Variants in B4GALNT2 observed in about 807,000 individuals in gnomAD.
The protein encoded by B4GALNT2 is N-acetylneuraminylgalactosylglucosyl-glucoside beta-1,4-N- acetylgalactosaminyltransferase 2.
B4GALNT2 carries 42 observed loss-of-function variants against 51.1 expected under a neutral mutation model. The ratio of observed to expected loss-of-function variants is 0.82; its 90% CI spans 0.64 to 1.06. The LOEUF (loss-of-function observed/expected upper bound fraction) is 1.06, where lower values mean the gene tolerates loss of function less well. Ranked by LOEUF, B4GALNT2 falls within the 50% of genes least tolerant of loss-of-function variation. The probability of loss-of-function intolerance (pLI) is 0.00; values close to 1 mark genes in which losing one functional copy is unlikely to be tolerated. For missense variants in B4GALNT2, 602 were observed against 633.6 expected (o/e 0.95, Z 0.54); for synonymous variants, 253 against 251.7 (o/e 1.01, Z -0.05).
chr17:49,126,990 C>T, the B4GALNT2 span, among the ~76,000 whole-genome samples: 4 of 152,200 alleles, frequency 2.6e-5, no homozygotes, highest in Non-Finnish European at 1.5e-5. Flanking sequence ...AGGCATGAGC[C>T]ACTGTGTCCG....
At chr17:49,150,607 TG>T (rs1217652217) in intron 3 of B4GALNT2, among the ~76,000 whole-genome samples, 1 of 151,700 alleles carries the variant, frequency 6.6e-6, no homozygotes, top group Non-Finnish European at 1.5e-5. Context: ...GGGATCCTGT[TG>T]ATCTGTGACC....
At position 49,164,092 on chromosome 17, in the gene B4GALNT2, G is replaced by A. The variant is rs117748905; in HGVS notation, c.771G>A (p.Arg257=). Residue 257 remains arginine, a synonymous_variant, in exon 8 of 11, where the codon AGG becomes AGA. Coordinates refer to ENST00000393354, the MANE Select transcript of B4GALNT2 (RefSeq NM_001159387.2). The part of the protein sequence containing the change: ...IPKLYDPGPE[R]KLRNLVTIAT... ...CACCCACTGTTTTCTGCCCAGAGAG[G>A]AAGCTCAGAAACCTGGTTACCATTG... 6.6e-5 allele frequency: 106 copies of A among 1,613,790 alleles called. No individual in the cohort carries two copies. The East Asian group carries it at 1.6e-3, about 25-fold the overall frequency.
rs139264412 is a variant in B4GALNT2 at position 49,155,477 on chromosome 17, C to A, written c.461-1089C>A. 2.0e-3 allele frequency among the ~76,000 whole-genome samples: 305 copies of A among 150,676 alleles called. 2 individuals are homozygous for A. Among genetic ancestry groups the A allele is most frequent in the African/African-American group, 7.1e-3 (292 of 41,216 alleles). On this transcript the variant is annotated intron_variant, in intron 4 of 10. Transcript: ENST00000393354. Reference sequence around the variant, plus strand: ...ATTTGTCGAATGTGGTGGCTCACACCTGTAGTCCCAGCTACTCGGGAGGCT... The same window carrying A: ...ATTTGTCGAATGTGGTGGCTCACACATGTAGTCCCAGCTACTCGGGAGGCT...
intron 1 of B4GALNT2, among the ~76,000 whole-genome samples, chr17:49,134,649 G>A (rs1388242263): frequency 2.0e-5 from 3 of 152,118 alleles, no homozygotes; most frequent in Non-Finnish European, 4.4e-5. Flanking sequence ...GTGCAGTGGC[G>A]CAATCTCGGC....
rs1393608776 is a variant in B4GALNT2, at chr17:49,176,139, A to G, written c.*6411A>G. On this transcript the variant is annotated 3_prime_UTR_variant, in exon 11 of 11. Coordinates refer to ENST00000393354, the MANE Select transcript of B4GALNT2 (RefSeq NM_001159387.2). The stretch of plus-strand genomic sequence containing the variant: ...CGGGTGTCCTCCAGCTTAGTTCCAC[A>G]TTCTCCAACCATCACTCCAGCGACC... The G allele has an allele frequency of 6.6e-6, 1 of 152,212 alleles. No individual in the cohort carries two copies. The highest frequency in any genetic ancestry group is 1.5e-5 in the Non-Finnish European group (1 of 68,054). The allele number at this position is 152,212 out of a possible 1,614,324, so 9.4% of individuals were successfully genotyped here.
intron 1 of B4GALNT2, chr17:49,133,266 GGAGCCCGGC>G: frequency 6.9e-7 from 1 of 1,440,442 alleles, no homozygotes; most frequent in South Asian, 1.5e-5. Flanking sequence ...GGACAGTCGG[GGAGCCCGGC>G]GGCTTGGTCT....
At chr17:49,168,977 A>G in intron 10 of B4GALNT2, 77 bp downstream of exon 10, 1 of 1,439,362 alleles carries the variant, frequency 6.9e-7, no homozygotes, top group Non-Finnish European at 9.4e-7. Flanking sequence ...CAAGGGCTGT[A>G]CCCGGCTGGC....
chr17:49,138,815 T>TG (rs2042613892), intron 1 of B4GALNT2, among the ~76,000 whole-genome samples: 1 of 152,126 alleles, frequency 6.6e-6, no homozygotes, highest in African/African-American at 2.4e-5. Flanking sequence ...AGGTGGAGGT[T>TG]GCAGTGAGCT....
chr17:49,125,765 C>G, the B4GALNT2 span, among the ~76,000 whole-genome samples: 1 of 135,862 alleles, frequency 7.4e-6, no homozygotes, highest in African/African-American at 2.7e-5. Context: ...GTCAGCCCCC[C>G]GCCCGTCCGG....
chr17:49,169,831 C>G lies in B4GALNT2; in HGVS notation c.*103C>G. 1.7e-6 allele frequency: 2 copies of G among 1,156,784 alleles called. No individual in the cohort carries two copies. The highest frequency in any genetic ancestry group is 2.4e-6 in the Non-Finnish European group (2 of 848,676). 71.7% of individuals were successfully genotyped at this position (1,156,784 alleles called of 1,614,324 possible). On this transcript the variant is annotated 3_prime_UTR_variant, in exon 11 of 11. Coordinates refer to ENST00000393354, the MANE Select transcript of B4GALNT2 (RefSeq NM_001159387.2). ...ATAGGTGAACGTTGTACCAAACCAG[C>G]TGGTGGGTAGGGAAAAGGGAAATGG... is the stretch of plus-strand genomic sequence containing the variant.
At chr17:49,140,603 TA>T (rs2042634188) in intron 1 of B4GALNT2, among the ~76,000 whole-genome samples, 1 of 152,082 alleles carries the variant, frequency 6.6e-6, no homozygotes, top group Non-Finnish European at 1.5e-5. Flanking sequence ...TATTAGTGGA[TA>T]AAAGTTCACG....
intron 3 of B4GALNT2, among the ~76,000 whole-genome samples, chr17:49,144,916 G>A (rs910769590): frequency 2.6e-5 from 4 of 152,186 alleles, no homozygotes; most frequent in Admixed American, 6.5e-5. Context: ...TCCAATGTTC[G>A]AGGGCAGGAA....
chr17:49,156,710 G>C (rs2042814159), intron 5 of B4GALNT2, 107 bp downstream of exon 5: 2 of 1,291,782 alleles, frequency 1.5e-6, no homozygotes, highest in Non-Finnish European at 1.1e-6. Flanking sequence ...TTCAAGGTCA[G>C]ACATGAGCCC....
the B4GALNT2 span, among the ~76,000 whole-genome samples, chr17:49,121,232 A>G: frequency 6.6e-6 from 1 of 152,108 alleles, no homozygotes; most frequent in African/African-American, 2.4e-5. Context: ...CAGAGCAAGG[A>G]ATAAGACATG....
At chr17:49,128,470 T>C (rs1384101212), upstream of B4GALNT2, among the ~76,000 whole-genome samples, 1 of 152,070 alleles carries the variant, frequency 6.6e-6, no homozygotes, top group Non-Finnish European at 1.5e-5. Flanking sequence ...GAAGGAGTTT[T>C]GAAGGAAGGA....
At chr17:49,124,758 G>T in the B4GALNT2 span, among the ~76,000 whole-genome samples, 2 of 152,158 alleles carry the variant, frequency 1.3e-5, no homozygotes. Flanking sequence ...ATAAAGTAAA[G>T]ATTTTTATAA....
rs1355936541 is a variant in B4GALNT2, at chr17:49,170,627, G to A, written c.*899G>A. On this transcript the variant is annotated 3_prime_UTR_variant, in exon 11 of 11. Transcript: ENST00000393354. ...GTTGTTGGATAAGCCTCTTTCTGTT[G>A]CCTGGGGGTTGGCAGATTGCCGAGA... 1 of 152,290 alleles carries A rather than the reference G, an allele frequency of 6.6e-6. No individual in the cohort carries two copies. The highest frequency in any genetic ancestry group is 1.5e-5 in the Non-Finnish European group (1 of 68,092). The allele number at this position is 152,290 out of a possible 1,614,324, so 9.4% of individuals were successfully genotyped here.
At chr17:49,150,514 G>C (rs998120356) in intron 3 of B4GALNT2, among the ~76,000 whole-genome samples, 1 of 152,094 alleles carries the variant, frequency 6.6e-6, no homozygotes, top group African/African-American at 2.4e-5. Flanking sequence ...TGAGAAATCG[G>C]ATGGTTGCCG....
chr17:49,148,744 C>T, intron 3 of B4GALNT2: 1 of 565,850 alleles, frequency 1.8e-6, no homozygotes, highest in Non-Finnish European at 3.2e-6. Flanking sequence ...TTCTTGGCCA[C>T]CGTGACTCCC....
Sources: gnomAD v4.1 joint callset for allele counts (sites outside exome capture counted in the v4.1 genomes callset) on GRCh38, gnomAD v4.1.1 for gene constraint, MANE v1.5 for transcripts, NCBI Gene and HGNC (gene_info 2026-07-23, HGNC 2026-07-21) for gene names.